The following BICD1 variants were observed in gnomAD, a reference collection of about 807,000 sequenced individuals.
BICD1 encodes BICD cargo adaptor 1, also known as protein bicaudal D homolog 1.
In BICD1, 35 loss-of-function variants were observed where a neutral mutation model predicts 92.5. The ratio of observed to expected loss-of-function variants is 0.38; its 90% CI spans 0.29 to 0.50. The LOEUF (loss-of-function observed/expected upper bound fraction) is 0.50. BICD1 is among the 20% of genes least tolerant of loss of function. The probability of loss-of-function intolerance (pLI) is 0.93; values close to 1 mark genes in which losing one functional copy is unlikely to be tolerated. For missense variants in BICD1, 950 were observed against 1,189.8 expected (o/e 0.80, Z 2.97); for synonymous variants, 429 against 465.1 (o/e 0.92, Z 1.00).
chr12:32,269,086 C>T (rs1388255928), intron 2 of BICD1, among the ~76,000 whole-genome samples: 1 of 151,892 alleles, frequency 6.6e-6, no homozygotes, highest in African/African-American at 2.4e-5. Flanking sequence ...GTTGATACTG[C>T]TGGTTCTGGG....
At chr12:32,117,682 A>ATG (rs1491528809) in intron 1 of BICD1, among the ~76,000 whole-genome samples, 2 of 12,378 alleles carry the variant, frequency 1.6e-4, no homozygotes, top group African/African-American at 3.2e-4. Flanking sequence ...ACGCTTAGTC[A>ATG]TATATATATA....
At chr12:32,295,249 A>G (rs1004850950) in intron 3 of BICD1, among the ~76,000 whole-genome samples, 3 of 152,130 alleles carry the variant, frequency 2.0e-5, no homozygotes, top group Non-Finnish European at 4.4e-5. Context: ...ACTATTAATA[A>G]TTATTGAATC....
intron 2 of BICD1, among the ~76,000 whole-genome samples, chr12:32,267,304 C>G (rs1947024178): frequency 6.6e-6 from 1 of 152,150 alleles, no homozygotes; most frequent in Non-Finnish European, 1.5e-5. Context: ...ACATAATTTA[C>G]TTATTGATTA....
intron 2 of BICD1, among the ~76,000 whole-genome samples, chr12:32,235,554 G>A (rs1020239724): frequency 1.2e-3 from 13 of 11,036 alleles, no homozygotes; most frequent in African/African-American, 8.1e-3. Context: ...GGAAGATATT[G>A]TGGGTTTTTT....
Position 32,369,644 on chromosome 12 carries a change from C to T in BICD1, c.2840+1899C>T, listed in dbSNP as rs1048541134. 2.0e-5 allele frequency among the ~76,000 whole-genome samples: 3 copies of T among 152,218 alleles called. No homozygotes were observed. The East Asian group carries it at 5.8e-4, about 29-fold the overall frequency. ...TGGTGGCTTACGCCTGTAATCCCAG[C>T]AGTTTGGGAGGCTGAGGCGGGAGGA... On this transcript the variant is annotated intron_variant, in intron 9 of 9. Transcript: ENST00000652176.
At chr12:32,270,136 AT>A (rs1322863791) in intron 2 of BICD1, among the ~76,000 whole-genome samples, 2 of 127,528 alleles carry the variant, frequency 1.6e-5, no homozygotes, top group Non-Finnish European at 1.6e-5. Flanking sequence ...AAAAAAAAAA[AT>A]TATTATTATT....
intron 1 of BICD1, among the ~76,000 whole-genome samples, chr12:32,153,498 C>T (rs1480752079): frequency 1.3e-5 from 2 of 152,074 alleles, no homozygotes; most frequent in African/African-American, 4.8e-5. Context: ...AACCCAAGAA[C>T]ATTAAATCAG....
rs1370282536 is a variant in BICD1 at position 32,313,394 on chromosome 12, T to TG, written c.1005+7276dup. On this transcript the variant is annotated intron_variant, in intron 4 of 9. Coordinates refer to ENST00000652176, the MANE Select transcript of BICD1 (RefSeq NM_001714.4). The surrounding 1 kb of genome is among the most constrained non-coding windows in gnomAD (Gnocchi z 4.2). ...TTGGTTGCTGCTTATAACAACTGTA[T>TG]GGGGTAGAGAGTATTATTATCTTCA... 6.6e-6 allele frequency among the ~76,000 whole-genome samples: 1 copy of TG among 152,170 alleles called. No individual in the cohort carries two copies. The highest frequency in any genetic ancestry group is 1.5e-5 in the Non-Finnish European group (1 of 68,014).
intron 2 of BICD1, among the ~76,000 whole-genome samples, chr12:32,222,615 A>G (rs956766251): frequency 6.6e-6 from 1 of 152,184 alleles, no homozygotes; most frequent in African/African-American, 2.4e-5. Context: ...TTTCTAGAAA[A>G]GTATATGAAG....
chr12:32,311,618 G>C (rs768101714), intron 4 of BICD1, among the ~76,000 whole-genome samples: 1 of 152,256 alleles, frequency 6.6e-6, no homozygotes, highest in Admixed American at 6.5e-5. Flanking sequence ...GGTTGAGTTT[G>C]TCTGAAGGCG....
chr12:32,176,699 C>T (rs1165339062), intron 1 of BICD1, among the ~76,000 whole-genome samples: 1 of 152,088 alleles, frequency 6.6e-6, no homozygotes, highest in Non-Finnish European at 1.5e-5. Context: ...TTTCACTCAT[C>T]GTAAGGGTTT....
chr12:32,223,130 G>C (rs1034684281), intron 2 of BICD1, among the ~76,000 whole-genome samples: 6 of 152,180 alleles, frequency 3.9e-5, no homozygotes, highest in African/African-American at 1.4e-4. Context: ...TTATGTTATG[G>C]AGATGGCTTC....
At chr12:32,166,697 C>T (rs1425369344) in intron 1 of BICD1, among the ~76,000 whole-genome samples, 1 of 152,132 alleles carries the variant, frequency 6.6e-6, no homozygotes, top group African/African-American at 2.4e-5. Context: ...AAGCACAGTG[C>T]CTGATGTGGG....
chr12:32,283,529 A>G (rs992393793), intron 2 of BICD1, among the ~76,000 whole-genome samples: 1 of 152,220 alleles, frequency 6.6e-6, no homozygotes, highest in African/African-American at 2.4e-5. Context: ...GAGATGAGAC[A>G]GAATTAAATG....
At chr12:32,229,526 G>C (rs1945806437) in intron 2 of BICD1, among the ~76,000 whole-genome samples, 3 of 152,230 alleles carry the variant, frequency 2.0e-5, no homozygotes, top group Non-Finnish European at 4.4e-5. Context: ...CAGTGCGGAT[G>C]CTGCTAATAA....
intron 2 of BICD1, among the ~76,000 whole-genome samples, chr12:32,259,818 A>G (rs1946809126): frequency 6.6e-6 from 1 of 152,218 alleles, no homozygotes; most frequent in South Asian, 2.1e-4. Context: ...GAGAATGATC[A>G]GTAACATCTT....
intron 1 of BICD1, among the ~76,000 whole-genome samples, chr12:32,159,123 G>A (rs1222140501): frequency 2.0e-5 from 3 of 151,978 alleles, no homozygotes; most frequent in Admixed American, 6.6e-5. Flanking sequence ...TAATAGAGAC[G>A]GGGTTTCATC....
At chr12:32,331,988 A>G (rs1223371617) in intron 5 of BICD1, among the ~76,000 whole-genome samples, 1 of 152,104 alleles carries the variant, frequency 6.6e-6, no homozygotes, top group Non-Finnish European at 1.5e-5. Flanking sequence ...GGTACAGGGG[A>G]AAAAAGGAAA....
In BICD1 at chr12:32,225,621, G is replaced by GTTTTTTTTTT. The variant is rs58895470; in HGVS notation, c.426+9173_426+9182dup. 6.5e-4 allele frequency among the ~76,000 whole-genome samples: 60 copies of GTTTTTTTTTT among 92,780 alleles called. 3 individuals carry two copies. The highest frequency in any genetic ancestry group is 6.4e-3 in the South Asian group (13 of 2,016). 60.9% of individuals were successfully genotyped at this position (92,780 alleles called of 152,430 possible). Reference sequence around the variant, plus strand: ...TGGTATTTGACAGTTCTTTTTTTCTGTTTTTTTTTTTTTTTTTTTTAGACG... The same window carrying GTTTTTTTTTT: ...TGGTATTTGACAGTTCTTTTTTTCTGTTTTTTTTTTTTTTTTTTTTTTTTTTTTTTAGACG... On this transcript the variant is annotated intron_variant, in intron 2 of 9. Coordinates refer to ENST00000652176, the MANE Select transcript of BICD1 (RefSeq NM_001714.4).
Sources: gnomAD v4.1 joint callset for allele counts (sites outside exome capture counted in the v4.1 genomes callset) on GRCh38, gnomAD v4.1.1 for gene constraint, Gnocchi (gnomAD v3.1) non-coding constraint, MANE v1.5 for transcripts, NCBI Gene and HGNC (gene_info 2026-07-23, HGNC 2026-07-21) for gene names.